Variants in CPEB1 observed in about 807,000 individuals in gnomAD.
CPEB1 encodes the protein cytoplasmic polyadenylation element-binding protein 1.
CPEB1 carries 7 observed loss-of-function variants against 65.8 expected under a neutral mutation model. The observed-to-expected ratio is 0.11, with a 90% CI of 0.06 to 0.20. The LOEUF is 0.20. Among genes scored for constraint, CPEB1 ranks in the 10% least tolerant of loss-of-function variants. The pLI is 1.00. For missense variants in CPEB1, 551 were observed against 712.2 expected (o/e 0.77, Z 2.58); for synonymous variants, 262 against 260.0 (o/e 1.01, Z -0.08).
intron 1 of CPEB1, chr15:82,629,368 T>C (rs1292469802): frequency 1.4e-5 from 14 of 985,164 alleles, no homozygotes; most frequent in Admixed American, 6.1e-5. Flanking sequence ...TACAACTCTA[T>C]GTGGTCATTA....
In CPEB1 at chr15:82,553,880, T is replaced by G; in HGVS notation, c.1052A>C (p.Glu351Ala). The change falls in exon 7 of 13, where the codon GAA becomes GCA. Residue 351 changes from glutamate to alanine, a missense_variant and splice_region_variant. By Grantham distance (107) the Glu-to-Ala change is moderately radical. Coordinates refer to ENST00000684509, the MANE Select transcript of CPEB1 (RefSeq NM_001365242.1). Reference sequence around the variant, plus strand: ...AGCAGGTCTTAGAGACAGCTCACCTTCTGTAATATCCCAAGGAACACCTCC... The same window carrying G: ...AGCAGGTCTTAGAGACAGCTCACCTGCTGTAATATCCCAAGGAACACCTCC... ...FLGGVPWDIT[E>A]AGLVNTFRVF... is the part of the protein sequence containing the mutation. 1 of 1,594,714 alleles carries G rather than the reference T, an allele frequency of 6.3e-7. No homozygotes were observed.
intron 1 of CPEB1, among the ~76,000 whole-genome samples, chr15:82,635,670 C>T (rs1159712563): frequency 6.9e-6 from 1 of 145,042 alleles, no homozygotes; most frequent in Admixed American, 6.8e-5. Context: ...ATAAAACATA[C>T]TCCTTGCCCT....
intron 1 of CPEB1, among the ~76,000 whole-genome samples, chr15:82,639,918 T>C (rs2046970687): frequency 6.6e-6 from 1 of 152,168 alleles, no homozygotes; most frequent in Non-Finnish European, 1.5e-5. Flanking sequence ...ACATTTTACA[T>C]ATGTTGTCAG....
intron 1 of CPEB1, among the ~76,000 whole-genome samples, chr15:82,646,468 G>A (rs1487181718): frequency 6.6e-6 from 1 of 152,102 alleles, no homozygotes; most frequent in Non-Finnish European, 1.5e-5. Context: ...CGGGGGAGGA[G>A]AGACGCGGCC....
At chr15:82,606,047 A>C (rs1289146165) in intron 3 of CPEB1, among the ~76,000 whole-genome samples, 1 of 152,240 alleles carries the variant, frequency 6.6e-6, no homozygotes, top group Non-Finnish European at 1.5e-5. Flanking sequence ...TCAAAAAAAA[A>C]GACATATTTG....
In CPEB1 at chr15:82,584,258, C is replaced by CAAAAA. The variant is rs71156038; in HGVS notation, c.272-12731_272-12727dup. Among the ~76,000 whole-genome samples the CAAAAA allele has an allele frequency of 3.8e-4, 20 of 53,310 alleles. 1 individual carries two copies. Among genetic ancestry groups the CAAAAA allele is most frequent in the African/African-American group, 4.5e-4 (6 of 13,282 alleles). The allele number at this position is 53,310 out of a possible 152,430, so 35.0% of individuals were successfully genotyped here. A position where few individuals can be genotyped will look rare whatever the true frequency, so the allele number is the denominator to read the frequency against. ...TGGGTGACACAGCGAGACTCCGTCT[C>CAAAAA]AAAAAAAAAAAAAAAAAAAAAAAAA... is the stretch of plus-strand genomic sequence containing the variant. On this transcript the variant is annotated intron_variant, in intron 3 of 12. Transcript: ENST00000684509.
At chr15:82,550,993 G>A (rs545533268) in intron 9 of CPEB1, among the ~76,000 whole-genome samples, 22 of 152,232 alleles carry the variant, frequency 1.4e-4, no homozygotes, top group African/African-American at 5.1e-4. Flanking sequence ...TCTGTGATAT[G>A]CATATGGCCA....
intron 1 of CPEB1, among the ~76,000 whole-genome samples, chr15:82,639,849 A>ACTCTCTCTCACT (rs2046964071): frequency 6.9e-6 from 1 of 145,890 alleles, no homozygotes; most frequent in African/African-American, 2.5e-5. Flanking sequence ...ACGCGCAAAC[A>ACTCTCTCTCACT]CTCTCTCTCT....
At chr15:82,581,996 A>G (rs767787205) in intron 3 of CPEB1, among the ~76,000 whole-genome samples, 26 of 152,174 alleles carry the variant, frequency 1.7e-4, no homozygotes, top group Non-Finnish European at 2.8e-4. Context: ...AACTGTATAT[A>G]ATGGAAAAAG....
chr15:82,591,769 A>G (rs560642148), intron 3 of CPEB1, among the ~76,000 whole-genome samples: 2 of 152,004 alleles, frequency 1.3e-5, no homozygotes, highest in Non-Finnish European at 2.9e-5. Flanking sequence ...CATAAATTAG[A>G]TCATACAATA....
intron 1 of CPEB1, among the ~76,000 whole-genome samples, chr15:82,639,860 C>T (rs1378738211): frequency 6.6e-6 from 1 of 152,152 alleles, no homozygotes; most frequent in Admixed American, 6.5e-5. Context: ...CTCTCTCTCT[C>T]TCTCTCTCTC....
intron 3 of CPEB1, among the ~76,000 whole-genome samples, chr15:82,604,576 G>A (rs2043397726): frequency 6.6e-6 from 1 of 151,028 alleles, no homozygotes; most frequent in Admixed American, 6.6e-5. Context: ...TATTACTAAA[G>A]AGACAGAAAT....
At chr15:82,647,671 C>T, upstream of CPEB1, 1 of 395,132 alleles carries the variant, frequency 2.5e-6, no homozygotes, top group Non-Finnish European at 4.2e-6. Flanking sequence ...GGCTCCCTGC[C>T]CCCCTCGCCC....
At chr15:82,636,110 T>C (rs1035042252) in intron 1 of CPEB1, among the ~76,000 whole-genome samples, 1 of 152,208 alleles carries the variant, frequency 6.6e-6, no homozygotes, top group Admixed American at 6.5e-5. Flanking sequence ...CAAGACTCTT[T>C]CACCTTAAAA....
At chr15:82,644,660 C>T (rs971535285) in intron 1 of CPEB1, among the ~76,000 whole-genome samples, 3 of 152,178 alleles carry the variant, frequency 2.0e-5, no homozygotes, top group African/African-American at 7.2e-5. Flanking sequence ...GAGCAACAAT[C>T]AGCTAGTGGC....
At chr15:82,569,953 G>A (rs2039760224) in intron 4 of CPEB1, among the ~76,000 whole-genome samples, 1 of 152,118 alleles carries the variant, frequency 6.6e-6, no homozygotes, top group African/African-American at 2.4e-5. Context: ...TGGTCTCCAG[G>A]CATAGAATAC....
intron 3 of CPEB1, among the ~76,000 whole-genome samples, chr15:82,607,022 G>A (rs1245244961): frequency 2.0e-5 from 3 of 151,512 alleles, no homozygotes; most frequent in Middle Eastern, 3.4e-3. Context: ...AAAGAGACAA[G>A]GAAATTAAAG....
At chr15:82,579,893 T>G (rs2041074594) in intron 3 of CPEB1, among the ~76,000 whole-genome samples, 2 of 109,110 alleles carry the variant, frequency 1.8e-5, no homozygotes, top group Admixed American at 1.4e-4. Context: ...CAGTCCGGCC[T>G]GGGCGACAGA....
upstream of CPEB1, chr15:82,648,093 G>A (rs1567248513): frequency 5.4e-6 from 2 of 372,196 alleles, no homozygotes; most frequent in Non-Finnish European, 9.5e-6. Flanking sequence ...CTCGCGCCCC[G>A]CCCCTCCTAG....
Sources: gnomAD v4.1 joint callset for allele counts (sites outside exome capture counted in the v4.1 genomes callset) on GRCh38, gnomAD v4.1.1 for gene constraint, MANE v1.5 for transcripts, NCBI Gene and HGNC (gene_info 2026-07-23, HGNC 2026-07-21) for gene names.